Variants in CCDC93 observed in about 807,000 individuals in gnomAD.
CCDC93 encodes the protein CCC complex scaffolding subunit CCDC93, also known as coiled-coil domain-containing protein 93.
CCDC93 carries 61 observed loss-of-function variants against 108.2 expected under a neutral mutation model. The ratio of observed to expected loss-of-function variants is 0.56; its 90% CI spans 0.46 to 0.70. CCDC93 has a LOEUF of 0.70. Ranked by LOEUF, CCDC93 falls within the 30% of genes least tolerant of loss-of-function variation. The probability of loss-of-function intolerance (pLI) is 0.00; values close to 1 mark genes in which losing one functional copy is unlikely to be tolerated. For synonymous variants in CCDC93, 276 were observed against 260.4 expected (o/e 1.06, Z -0.58); for missense variants, 685 against 764.2 (o/e 0.90, Z 1.22).
At chr2:117,980,181 T>C (rs1331582032) in intron 7 of CCDC93, among the ~76,000 whole-genome samples, 2 of 152,192 alleles carry the variant, frequency 1.3e-5, no homozygotes, top group Admixed American at 1.3e-4. Context: ...CCAGTTCTAA[T>C]GTGAAGCTTG....
At chr2:117,944,620 G>A (rs1471532675) in intron 17 of CCDC93, 2 of 429,558 alleles carry the variant, frequency 4.7e-6, no homozygotes, top group African/African-American at 4.1e-5. Context: ...ATGAGACATG[G>A]TAAGAGACAT....
At chr2:117,928,744 G>A (rs1252141167) in intron 23 of CCDC93, among the ~76,000 whole-genome samples, 2 of 152,162 alleles carry the variant, frequency 1.3e-5, no homozygotes, top group African/African-American at 4.8e-5. Flanking sequence ...ATTTGACCCA[G>A]CCATCCCATT....
chr2:117,952,436 C>T lies in CCDC93; in HGVS notation c.1006-1G>A. 1 of 1,610,258 alleles carries T rather than the reference C, an allele frequency of 6.2e-7. No individual in the cohort carries two copies. Among genetic ancestry groups the T allele is most frequent in the Non-Finnish European group, 8.5e-7 (1 of 1,176,576 alleles). On this transcript the variant is annotated splice_acceptor_variant, in intron 12 of 23. Coordinates refer to ENST00000376300, the MANE Select transcript of CCDC93 (RefSeq NM_019044.5). LOFTEE classifies it high-confidence loss of function. ...GTAGGCTGGTGTGACTTGCTCGCAG[C>T]TGTAAATGAAAGATAAAAGACATAT...
At chr2:117,968,489 G>A (rs566516546) in intron 11 of CCDC93, among the ~76,000 whole-genome samples, 5 of 152,172 alleles carry the variant, frequency 3.3e-5, no homozygotes, top group South Asian at 2.1e-4. Context: ...TAGAGTCTAC[G>A]GACACTCATG....
chr2:117,949,699 A>G lies in CCDC93; in HGVS notation c.1069-304T>C, dbSNP rs1271443498. On this transcript the variant is annotated intron_variant, in intron 13 of 23. Transcript: ENST00000376300. ...TACGATGTGAATGTGTTACTTATTC[A>G]AAAATTAAAAAAAAAAAGTTTTAAA... The G allele has an allele frequency of 5.2e-6, 5 of 957,170 alleles. No homozygotes were observed. In the East Asian group the frequency reaches 5.8e-4, roughly 111 times the overall value. The allele number at this position is 957,170 out of a possible 1,614,324, so 59.3% of individuals were successfully genotyped here.
intron 6 of CCDC93, among the ~76,000 whole-genome samples, chr2:117,992,611 CA>C (rs1573520304): frequency 1.3e-5 from 2 of 152,190 alleles, no homozygotes; most frequent in East Asian, 3.9e-4. Context: ...AGGCTCACAG[CA>C]GCACAGTTAC....
chr2:117,969,057 C>A (rs979929583), intron 11 of CCDC93, among the ~76,000 whole-genome samples: 3 of 152,190 alleles, frequency 2.0e-5, no homozygotes, highest in African/African-American at 7.2e-5. Context: ...TTTGTGTAAC[C>A]CCTTTCTTTT....
intron 13 of CCDC93, chr2:117,950,964 T>G (rs1467794233): frequency 1.5e-5 from 15 of 985,424 alleles, no homozygotes; most frequent in Non-Finnish European, 1.8e-5. Flanking sequence ...GCTGCTGTTT[T>G]CATTTGAGGA....
Position 117,917,587 on chromosome 2 carries a change from C to T in CCDC93, c.*2756G>A, listed in dbSNP as rs1273711420. Reference sequence around the variant, plus strand: ...ATGCTTGACAAACTGGGAATTTGCCCTCTGTTAAAACAACCCTCAGTGTGA... The same window carrying T: ...ATGCTTGACAAACTGGGAATTTGCCTTCTGTTAAAACAACCCTCAGTGTGA... On this transcript the variant is annotated 3_prime_UTR_variant, in exon 24 of 24. Transcript: ENST00000376300. The T allele has an allele frequency of 6.6e-6, 1 of 152,276 alleles. No individual in the cohort carries two copies. Among genetic ancestry groups the T allele is most frequent in the East Asian group, 1.9e-4 (1 of 5,190 alleles). The allele number at this position is 152,276 out of a possible 1,614,324, so 9.4% of individuals were successfully genotyped here.
Position 117,918,045 on chromosome 2 carries a change from G to A in CCDC93, c.*2298C>T, listed in dbSNP as rs962549593. Reference sequence around the variant, plus strand: ...TAGAGCACAATTCCATACTATGTCTGTCTAAGCACACAGAGCCATAGCCCT... The same window carrying A: ...TAGAGCACAATTCCATACTATGTCTATCTAAGCACACAGAGCCATAGCCCT... On this transcript the variant is annotated 3_prime_UTR_variant, in exon 24 of 24. Transcript: ENST00000376300. 1.4e-5 allele frequency: 2 copies of A among 147,608 alleles called. No individual in the cohort carries two copies. Among genetic ancestry groups the A allele is most frequent in the Non-Finnish European group, 3.0e-5 (2 of 66,588 alleles). The allele number at this position is 147,608 out of a possible 1,614,324, so 9.1% of individuals were successfully genotyped here. A position where few individuals can be genotyped will look rare whatever the true frequency, so the allele number is the denominator to read the frequency against.
intron 7 of CCDC93, among the ~76,000 whole-genome samples, chr2:117,979,838 G>C (rs10203505): frequency 0.022 from 3,336 of 152,280 alleles, 128 homozygotes; most frequent in African/African-American, 0.077. Flanking sequence ...CTGGAAAAGA[G>C]ACTATTTTCC....
intron 7 of CCDC93, among the ~76,000 whole-genome samples, chr2:117,979,865 A>T (rs957505291): frequency 1.3e-5 from 2 of 152,150 alleles, no homozygotes; most frequent in African/African-American, 4.8e-5. Flanking sequence ...CCTTGCACCT[A>T]GGGTTCTGAA....
rs564340962 is a variant in CCDC93, at chr2:117,978,288, T to A, written c.621-258A>T. On this transcript the variant is annotated intron_variant, in intron 7 of 23. Coordinates refer to ENST00000376300, the MANE Select transcript of CCDC93 (RefSeq NM_019044.5). ...GACAGTATGGAATGCAACATTTTCC[T>A]TAAGTGCAATTATGACTTTTTGAAT... Among the ~76,000 whole-genome samples, 112 of 152,356 alleles carry A rather than the reference T, an allele frequency of 7.4e-4. 2 individuals carry two copies. In the South Asian group the frequency reaches 0.023, roughly 31 times the overall value.
chr2:117,953,924 G>A (rs1359360967), intron 12 of CCDC93, among the ~76,000 whole-genome samples: 3 of 151,966 alleles, frequency 2.0e-5, no homozygotes, highest in African/African-American at 7.3e-5. Context: ...GGCTTGAGTG[G>A]GCTCCCTTGC....
At position 117,967,953 on chromosome 2, in the gene CCDC93, A is replaced by G. The variant is rs368123246; in HGVS notation, c.888+5955T>C. 2.4e-4 allele frequency among the ~76,000 whole-genome samples: 37 copies of G among 152,342 alleles called. No homozygotes were observed. In the East Asian group the frequency reaches 6.9e-3, roughly 29 times the overall value. On this transcript the variant is annotated intron_variant, in intron 11 of 23. Transcript: ENST00000376300. The stretch of plus-strand genomic sequence containing the variant: ...TTTTTAGAATTAAAAAATAAGAACT[A>G]AATGAGATAATGGTACACAAAGAAT...
At chr2:117,921,109 G>A (rs571494146) in intron 23 of CCDC93, among the ~76,000 whole-genome samples, 3 of 151,370 alleles carry the variant, frequency 2.0e-5, no homozygotes, top group East Asian at 3.9e-4. Flanking sequence ...CCCAGGAGGC[G>A]GAGCTTGCAG....
At chr2:118,003,519 T>C (rs189622732) in intron 3 of CCDC93, among the ~76,000 whole-genome samples, 1 of 152,240 alleles carries the variant, frequency 6.6e-6, no homozygotes, top group African/African-American at 2.4e-5. Flanking sequence ...GGAGGAGAGC[T>C]CCCTCTTGTG....
At chr2:117,932,717 A>G (rs1678388412) in intron 22 of CCDC93, among the ~76,000 whole-genome samples, 1 of 152,030 alleles carries the variant, frequency 6.6e-6, no homozygotes, top group African/African-American at 2.4e-5. Flanking sequence ...TGTCGATGGA[A>G]CCCCTAATGC....
chr2:117,937,243 A>G, intron 20 of CCDC93, among the ~76,000 whole-genome samples: 1 of 152,160 alleles, frequency 6.6e-6, no homozygotes, highest in Non-Finnish European at 1.5e-5. Flanking sequence ...AAGGGGATGC[A>G]CTGTTCAAGG....
Sources: gnomAD v4.1 joint callset for allele counts (sites outside exome capture counted in the v4.1 genomes callset) on GRCh38, gnomAD v4.1.1 for gene constraint, MANE v1.5 for transcripts, NCBI Gene and HGNC (gene_info 2026-07-23, HGNC 2026-07-21) for gene names.